RARB: variants seen among roughly 807,000 people sequenced by gnomAD.
The protein encoded by RARB is HBV-activated protein.
RARB carries 17 observed loss-of-function variants against 51.9 expected under a neutral mutation model. That is an observed-to-expected ratio of 0.33 (90% CI 0.22 to 0.49). The LOEUF (loss-of-function observed/expected upper bound fraction) is 0.49. RARB is among the 20% of genes least tolerant of loss of function. The pLI is 0.99. For synonymous variants in RARB, 215 were observed against 195.4 expected (o/e 1.10, Z -0.84); for missense variants, 369 against 550.8 (o/e 0.67, Z 3.30).
At chr3:25,338,021 G>A (rs1331414104) in intron 5 of RARB, among the ~76,000 whole-genome samples, 1 of 150,442 alleles carries the variant, frequency 6.6e-6, no homozygotes, top group Non-Finnish European at 1.5e-5. Flanking sequence ...ATCTTTCACT[G>A]AACCACAGGT....
chr3:25,111,570 G>A (rs966740843), intron 3 of RARB, among the ~76,000 whole-genome samples: 4 of 141,602 alleles, frequency 2.8e-5, no homozygotes, highest in Non-Finnish European at 6.0e-5. Flanking sequence ...AATGATCTCC[G>A]TTTCTAACAG....
intron 2 of RARB, among the ~76,000 whole-genome samples, chr3:25,036,238 T>C (rs1205167931): frequency 6.6e-6 from 1 of 152,148 alleles, no homozygotes; most frequent in Non-Finnish European, 1.5e-5. Context: ...TTGTATGAGA[T>C]AGACATCTTT....
chr3:25,137,508 T>C (rs561013100), intron 4 of RARB, among the ~76,000 whole-genome samples: 2 of 152,174 alleles, frequency 1.3e-5, no homozygotes, highest in African/African-American at 4.8e-5. Context: ...ATTAGTTTGG[T>C]CAGATATAGA....
At chr3:25,032,120 G>C (rs935995689) in intron 2 of RARB, among the ~76,000 whole-genome samples, 1 of 152,082 alleles carries the variant, frequency 6.6e-6, no homozygotes, top group Non-Finnish European at 1.5e-5. Context: ...ACTATTAATA[G>C]GTCCATAATT....
intron 5 of RARB, among the ~76,000 whole-genome samples, chr3:25,402,927 G>C (rs1707304079): frequency 6.6e-6 from 1 of 152,122 alleles, no homozygotes; most frequent in Non-Finnish European, 1.5e-5. Flanking sequence ...CACTTTGGGA[G>C]GCTGAGACAG....
At chr3:25,015,879 A>G (rs1347164817) in intron 2 of RARB, among the ~76,000 whole-genome samples, 2 of 152,226 alleles carry the variant, frequency 1.3e-5, no homozygotes, top group Non-Finnish European at 2.9e-5. Context: ...TTCTACATAA[A>G]TAAATCAAGT....
At chr3:25,174,126 A>G (rs777325183) in exon 5 of RARB, 13 of 192,150 alleles carry the variant, frequency 6.8e-5, no homozygotes, top group Non-Finnish European at 1.1e-4. Flanking sequence ...CAGAATTAAC[A>G]GCTCTGAAAT....
At chr3:25,454,162 C>T (rs1359125672) in intron 1 of RARB, among the ~76,000 whole-genome samples, 5 of 152,148 alleles carry the variant, frequency 3.3e-5, no homozygotes, top group African/African-American at 9.7e-5. Context: ...TGTCTACACA[C>T]GAGTTCATAC....
chr3:25,090,822 CACA>C (rs1368691196), intron 3 of RARB, among the ~76,000 whole-genome samples: 3 of 152,082 alleles, frequency 2.0e-5, no homozygotes, highest in African/African-American at 7.2e-5. Context: ...TATGGTGTAT[CACA>C]ACAACCGTCT....
intron 3 of RARB, among the ~76,000 whole-genome samples, chr3:25,089,525 T>A (rs1475277055): frequency 6.6e-6 from 1 of 152,078 alleles, no homozygotes. Context: ...TATGTTGAAA[T>A]ACGGTTTGAT....
At chr3:25,245,115 C>T (rs1290621376) in intron 5 of RARB, among the ~76,000 whole-genome samples, 1 of 152,110 alleles carries the variant, frequency 6.6e-6, no homozygotes, top group Non-Finnish European at 1.5e-5. Flanking sequence ...TTAAGAGAGA[C>T]TAAGATTGCA....
intron 4 of RARB, among the ~76,000 whole-genome samples, chr3:25,161,509 G>A (rs2125346737): frequency 6.6e-6 from 1 of 152,204 alleles, no homozygotes; most frequent in South Asian, 2.1e-4. Context: ...TCCTTTTAAT[G>A]TTAATGTAGA....
intron 2 of RARB, among the ~76,000 whole-genome samples, chr3:24,883,365 T>TGA (rs936291225): frequency 7.8e-6 from 1 of 128,648 alleles, no homozygotes; most frequent in African/African-American, 3.6e-5. Flanking sequence ...ATTGTGTGTG[T>TGA]GTGTGTGTGT....
intron 5 of RARB, among the ~76,000 whole-genome samples, chr3:25,335,613 C>G (rs939189838): frequency 3.9e-5 from 6 of 152,170 alleles, no homozygotes; most frequent in African/African-American, 1.4e-4. Flanking sequence ...CAGCATTCAC[C>G]CCATCTTCTG....
At chr3:24,883,470 A>G (rs1002081144) in intron 2 of RARB, among the ~76,000 whole-genome samples, 1 of 151,984 alleles carries the variant, frequency 6.6e-6, no homozygotes, top group African/African-American at 2.4e-5. Flanking sequence ...TAAATGCTAT[A>G]AAGTAAAGGA....
intron 4 of RARB, among the ~76,000 whole-genome samples, chr3:25,579,026 C>T (rs755651929): frequency 1.2e-4 from 19 of 152,242 alleles, no homozygotes; most frequent in South Asian, 4.2e-4. Flanking sequence ...CTCCTGCAAA[C>T]GAAAGTAAAG....
intron 1 of RARB, among the ~76,000 whole-genome samples, chr3:24,832,626 CCA>C (rs1402921602): frequency 2.3e-3 from 38 of 16,196 alleles, no homozygotes; most frequent in African/African-American, 6.7e-3. Context: ...AAATTGAGTC[CCA>C]ATATATATAT....
At chr3:25,500,298 ACACT>A (rs1697229795) in intron 2 of RARB, among the ~76,000 whole-genome samples, 1 of 152,172 alleles carries the variant, frequency 6.6e-6, no homozygotes, top group South Asian at 2.1e-4. Flanking sequence ...AAATGGGCAG[ACACT>A]CATTTTTATT....
chr3:25,111,431 C>T (rs1338302739), intron 3 of RARB, among the ~76,000 whole-genome samples: 3 of 152,102 alleles, frequency 2.0e-5, no homozygotes, highest in African/African-American at 7.2e-5. Context: ...CTTGAAATTT[C>T]TCTCTTACTA....
Sources: allele counts gnomAD v4.1 joint callset (sites outside exome capture counted in the v4.1 genomes callset), GRCh38; gene constraint gnomAD v4.1.1; transcripts MANE v1.5; gene names NCBI Gene and HGNC (gene_info 2026-07-23, HGNC 2026-07-21).